Variants in TUSC3 observed in about 807,000 individuals in gnomAD.
TUSC3 encodes the protein dolichyl-diphosphooligosaccharide--protein glycosyltransferase subunit TUSC3.
Under a neutral mutation model 44.8 loss-of-function variants are expected in TUSC3, and 45 were observed. That is an observed-to-expected ratio of 1.00 (90% CI 0.79 to 1.29). The LOEUF (loss-of-function observed/expected upper bound fraction) is 1.29, where lower values mean the gene tolerates loss of function less well. TUSC3 is among the 50% of genes most tolerant of loss of function. TUSC3 has a pLI of 0.00. For synonymous variants in TUSC3, 212 were observed against 152.9 expected (o/e 1.39, Z -2.85); for missense variants, 519 against 437.9 (o/e 1.19, Z -1.65).
At chr8:15,599,722 A>G (rs1440304639) in intron 1 of TUSC3, among the ~76,000 whole-genome samples, 2 of 148,422 alleles carry the variant, frequency 1.3e-5, no homozygotes, top group African/African-American at 4.9e-5. Context: ...TTTTTGTCAA[A>G]GATCAGTTGA....
chr8:15,656,892 T>C (rs1807196912), intron 3 of TUSC3, among the ~76,000 whole-genome samples: 1 of 152,192 alleles, frequency 6.6e-6, no homozygotes. Flanking sequence ...CCCAGAATGC[T>C]GCCAAGGCTC....
chr8:15,612,322 C>T (rs1804799608), intron 1 of TUSC3, among the ~76,000 whole-genome samples: 1 of 151,966 alleles, frequency 6.6e-6, no homozygotes, highest in Non-Finnish European at 1.5e-5. Flanking sequence ...GGTCATGTTC[C>T]TAGGGATAAA....
chr8:15,636,030 G>T (rs1356035817), intron 2 of TUSC3, among the ~76,000 whole-genome samples: 1 of 152,122 alleles, frequency 6.6e-6, no homozygotes, highest in East Asian at 1.9e-4. Flanking sequence ...GATATGGTTA[G>T]GCCAGTGGCA....
At chr8:15,774,320 ATTAG>A in the TUSC3 span, among the ~76,000 whole-genome samples, 1 of 152,136 alleles carries the variant, frequency 6.6e-6, no homozygotes, top group East Asian at 1.9e-4. Context: ...TGCAAATGTA[ATTAG>A]TTAAGATGAG....
intron 6 of TUSC3, among the ~76,000 whole-genome samples, chr8:15,695,230 A>G (rs573952672): frequency 6.6e-6 from 1 of 152,266 alleles, no homozygotes; most frequent in African/African-American, 2.4e-5. Flanking sequence ...CCCACATGTC[A>G]TGGGAGGGAC....
At chr8:15,602,686 GTGTGTGTGTGTA>G (rs1804340602) in intron 1 of TUSC3, among the ~76,000 whole-genome samples, 1 of 149,116 alleles carries the variant, frequency 6.7e-6, no homozygotes, top group Non-Finnish European at 1.5e-5. Flanking sequence ...GTGTGTGTGT[GTGTGTGTGTGTA>G]TATATGTGTA....
At chr8:15,609,741 A>G (rs548257330) in intron 1 of TUSC3, among the ~76,000 whole-genome samples, 24 of 147,436 alleles carry the variant, frequency 1.6e-4, no homozygotes, top group Middle Eastern at 3.5e-3. Flanking sequence ...TGTCAGGAGG[A>G]CAACAAACAT....
At chr8:15,713,936 G>A (rs189977744) in intron 6 of TUSC3, among the ~76,000 whole-genome samples, 21 of 152,206 alleles carry the variant, frequency 1.4e-4, no homozygotes, top group African/African-American at 3.1e-4. Flanking sequence ...ATTCACAACC[G>A]TGGCCTCATT....
At chr8:15,751,192 G>A (rs1439025571) in intron 9 of TUSC3, among the ~76,000 whole-genome samples, 2 of 152,116 alleles carry the variant, frequency 1.3e-5, no homozygotes, top group African/African-American at 2.4e-5. Context: ...GGCAATCAGG[G>A]TATTTTAGGT....
intron 6 of TUSC3, among the ~76,000 whole-genome samples, chr8:15,683,873 C>T (rs569805702): frequency 5.9e-5 from 9 of 152,102 alleles, no homozygotes; most frequent in African/African-American, 2.2e-4. Context: ...CAGCTGGCTT[C>T]GTTTCTGAGT....
At chr8:15,670,910 C>T (rs1008648959) in intron 5 of TUSC3, among the ~76,000 whole-genome samples, 2 of 151,746 alleles carry the variant, frequency 1.3e-5, no homozygotes, top group Non-Finnish European at 2.9e-5. Context: ...GTCCAAATTT[C>T]AATTAATATA....
chr8:15,741,843 T>C (rs1166210790), intron 7 of TUSC3, among the ~76,000 whole-genome samples: 2 of 152,202 alleles, frequency 1.3e-5, no homozygotes, highest in African/African-American at 4.8e-5. Context: ...GGAAACTTAG[T>C]AACTCCTTGT....
chr8:15,447,091 A>G (rs1800115710), intron 1 of TUSC3, among the ~76,000 whole-genome samples: 1 of 152,088 alleles, frequency 6.6e-6, no homozygotes, highest in Non-Finnish European at 1.5e-5. Flanking sequence ...AAAAGATGAC[A>G]AGATGACAAT....
chr8:15,523,694 G>GTATATATATA (rs1563273670), intron 2 of TUSC3, among the ~76,000 whole-genome samples: 8 of 44,344 alleles, frequency 1.8e-4, no homozygotes, highest in Admixed American at 9.5e-4. Context: ...GTGTGTGTGT[G>GTATATATATA]TGTGTGTGTG....
intron 7 of TUSC3, among the ~76,000 whole-genome samples, chr8:15,732,671 A>G (rs1431678425): frequency 2.6e-5 from 4 of 152,188 alleles, no homozygotes; most frequent in Non-Finnish European, 4.4e-5. Flanking sequence ...AACCCGTTAA[A>G]TTGTATAACT....
At chr8:15,610,385 A>G (rs1044951005) in intron 1 of TUSC3, among the ~76,000 whole-genome samples, 6 of 152,178 alleles carry the variant, frequency 3.9e-5, no homozygotes, top group African/African-American at 1.2e-4. Flanking sequence ...TTTCTCATGG[A>G]GAAACATTTC....
the TUSC3 span, among the ~76,000 whole-genome samples, chr8:15,845,789 A>C: frequency 6.6e-6 from 1 of 152,176 alleles, no homozygotes; most frequent in Non-Finnish European, 1.5e-5. Flanking sequence ...TGTATGTTCA[A>C]ACATTATAGG....
intron 2 of TUSC3, among the ~76,000 whole-genome samples, chr8:15,532,042 T>C (rs1585078193): frequency 6.6e-6 from 1 of 152,228 alleles, no homozygotes; most frequent in Admixed American, 6.5e-5. Flanking sequence ...CTTGATAAAA[T>C]TGTCAGTGAC....
chr8:15,523,124 G>A (rs4831338), intron 2 of TUSC3, among the ~76,000 whole-genome samples: 143,592 of 152,212 alleles, frequency 0.94, 67,915 homozygotes, highest in South Asian at 0.99. Context: ...GCATGATGCC[G>A]TAGGAAAGTT....
Sources: gnomAD v4.1 joint callset for allele counts (sites outside exome capture counted in the v4.1 genomes callset) on GRCh38, gnomAD v4.1.1 for gene constraint, MANE v1.5 for transcripts, NCBI Gene and HGNC (gene_info 2026-07-23, HGNC 2026-07-21) for gene names.